Variants in IL1RL1 observed in about 807,000 individuals in gnomAD.
The protein encoded by IL1RL1 is interleukin 1 receptor like 1.
IL1RL1 carries 32 observed loss-of-function variants against 50.9 expected under a neutral mutation model. The ratio of observed to expected loss-of-function variants is 0.63; its 90% CI spans 0.47 to 0.84. IL1RL1 has a LOEUF of 0.84. Ranked by LOEUF, IL1RL1 falls within the 40% of genes least tolerant of loss-of-function variation. The probability of loss-of-function intolerance (pLI) is 0.00; values close to 1 mark genes in which losing one functional copy is unlikely to be tolerated. For synonymous variants in IL1RL1, 275 were observed against 236.0 expected (o/e 1.17, Z -1.51); for missense variants, 773 against 662.9 (o/e 1.17, Z -1.82).
In IL1RL1 at chr2:102,330,897, G is replaced by A. The variant is rs565494797; in HGVS notation, c.-149-7219G>A. Among the ~76,000 whole-genome samples the A allele has an allele frequency of 2.6e-5, 4 of 152,214 alleles. No homozygotes were observed. The South Asian group carries it at 8.3e-4, about 32-fold the overall frequency. ...TCCTACTTCAGGTTTAAGATGTTCT[G>A]TTATGTAATACAATCCATTTTTATT... On this transcript the variant is annotated intron_variant, in intron 1 of 10. Transcript: ENST00000233954.
intron 1 of IL1RL1, among the ~76,000 whole-genome samples, chr2:102,326,237 A>G (rs1676993456): frequency 6.6e-6 from 1 of 152,230 alleles, no homozygotes; most frequent in Admixed American, 6.5e-5. Flanking sequence ...CCAGAATTTC[A>G]TATCTAGCCA....
At chr2:102,327,092 A>G (rs1456485670) in intron 1 of IL1RL1, among the ~76,000 whole-genome samples, 1 of 152,216 alleles carries the variant, frequency 6.6e-6, no homozygotes, top group African/African-American at 2.4e-5. Flanking sequence ...AAAATTGACC[A>G]CATAGTTGGA....
chr2:102,343,075 A>G lies in IL1RL1; in HGVS notation c.722A>G (p.Lys241Arg), dbSNP rs760450823. The G allele has an allele frequency of 6.2e-7, 1 of 1,614,124 alleles. No individual in the cohort carries two copies. The highest frequency in any genetic ancestry group is 2.2e-5 in the East Asian group (1 of 44,880). Reference sequence around the variant, plus strand: ...CTAACTTGCTCTGCTTGTTTTGGAAAAGGCACTCAGTTCTTGGCTGCCGTC... The same window carrying G: ...CTAACTTGCTCTGCTTGTTTTGGAAGAGGCACTCAGTTCTTGGCTGCCGTC... ...ANLTCSACFG[K>R]GTQFLAAVLW... The change falls in exon 7 of 11, where the codon AAA becomes AGA. Residue 241 changes from lysine to arginine, a missense_variant. Coordinates refer to ENST00000233954, the MANE Select transcript of IL1RL1 (RefSeq NM_016232.5).
At chr2:102,313,002 T>A (rs1676563079) in intron 1 of IL1RL1, 3 of 152,100 alleles carry the variant, frequency 2.0e-5, no homozygotes. Context: ...TGTTCCTGAA[T>A]ACCATTGTGG....
At chr2:102,352,093 G>A (rs547286639), downstream of IL1RL1, 5 of 632,410 alleles carry the variant, frequency 7.9e-6, no homozygotes, top group East Asian at 5.8e-5. Context: ...GATGCAAAAT[G>A]GCCAGAAATT....
At chr2:102,348,374 C>T (rs1410411960) in intron 9 of IL1RL1, among the ~76,000 whole-genome samples, 3 of 152,102 alleles carry the variant, frequency 2.0e-5, no homozygotes, top group African/African-American at 7.2e-5. Flanking sequence ...GCCCCAAGCC[C>T]AGAAAGGTGT....
intron 8 of IL1RL1, chr2:102,346,026 T>G (rs1325594880): frequency 1.0e-6 from 1 of 982,534 alleles, no homozygotes; most frequent in African/African-American, 1.7e-5. Flanking sequence ...ATTTCACCTG[T>G]TTTTCTTTAA....
At chr2:102,316,925 C>T (rs1439037489) in intron 1 of IL1RL1, among the ~76,000 whole-genome samples, 1 of 152,164 alleles carries the variant, frequency 6.6e-6, no homozygotes, top group Non-Finnish European at 1.5e-5. Flanking sequence ...AGATTCAAAG[C>T]ATTCTGAAAT....
chr2:102,327,813 T>A (rs1407522091), intron 1 of IL1RL1, among the ~76,000 whole-genome samples: 1 of 152,176 alleles, frequency 6.6e-6, no homozygotes, highest in Non-Finnish European at 1.5e-5. Flanking sequence ...AGGAAGAACT[T>A]GAATCTCTGA....
chr2:102,338,581 G>A (rs1439895966), intron 2 of IL1RL1, among the ~76,000 whole-genome samples: 1 of 152,154 alleles, frequency 6.6e-6, no homozygotes, highest in Non-Finnish European at 1.5e-5. Context: ...GAAGTGTTGT[G>A]GATGTTTATT....
intron 5 of IL1RL1, 42 bp from the exon 6 acceptor site, chr2:102,342,181 T>G (rs779260705): frequency 2.9e-6 from 4 of 1,359,016 alleles, no homozygotes; most frequent in Non-Finnish European, 4.2e-6. Context: ...TTGACTAGCA[T>G]TCAATGCTCT....
intron 6 of IL1RL1, 106 bp downstream of exon 6, chr2:102,342,400 C>G: frequency 1.3e-6 from 1 of 743,734 alleles, no homozygotes; most frequent in South Asian, 1.6e-5. Flanking sequence ...GCATAAGGAA[C>G]CTTGAGGAGT....
intron 2 of IL1RL1, 78 bp from the exon 3 acceptor site, chr2:102,338,759 A>G: frequency 1.8e-6 from 2 of 1,126,392 alleles, no homozygotes; most frequent in Non-Finnish European, 2.6e-6. Context: ...TAATCCTAGA[A>G]GAAAATATTG....
intron 4 of IL1RL1, 121 bp from the exon 5 acceptor site, chr2:102,340,545 A>C: frequency 1.0e-6 from 1 of 988,852 alleles, no homozygotes; most frequent in African/African-American, 1.7e-5. Flanking sequence ...CCTAGAAGGC[A>C]GAGGTTACAG....
At chr2:102,339,118 C>G (rs1009343494) in intron 3 of IL1RL1, 71 bp downstream of exon 3, 11 of 1,069,222 alleles carry the variant, frequency 1.0e-5, no homozygotes, top group Middle Eastern at 2.1e-4. Flanking sequence ...GCCTGAGCTG[C>G]CCTTGCTTTC....
At chr2:102,327,214 T>A (rs1677034775) in intron 1 of IL1RL1, among the ~76,000 whole-genome samples, 1 of 151,732 alleles carries the variant, frequency 6.6e-6, no homozygotes, top group South Asian at 2.1e-4. Context: ...TCAAAACCGC[T>A]CAACTACATG....
chr2:102,312,787 G>C (rs1049603597), intron 1 of IL1RL1: 1 of 152,062 alleles, frequency 6.6e-6, no homozygotes, highest in Non-Finnish European at 1.5e-5. Context: ...TCCTCTGCTT[G>C]GTGGCTCCAT....
rs769490744 is a variant in IL1RL1 at position 102,351,757 on chromosome 2, C to T, written c.1507C>T (p.Leu503Phe). ...GGCGCTTCAGGACTCCCTCCAGCATCTTATGAAAGTACAGGGGACCATCAA... is the reference window on the plus strand; with the variant it reads ...GGCGCTTCAGGACTCCCTCCAGCATTTTATGAAAGTACAGGGGACCATCAA... ...AEALQDSLQHLMKVQGTIKWR... is the reference protein window; with the variant it reads ...AEALQDSLQHFMKVQGTIKWR... Residue 503 changes from leucine to phenylalanine, a missense_variant, in exon 11 of 11, where the codon CTT becomes TTT. Coordinates refer to ENST00000233954, the MANE Select transcript of IL1RL1 (RefSeq NM_016232.5). The T allele has an allele frequency of 2.5e-6, 4 of 1,614,090 alleles. No individual in the cohort carries two copies. Among genetic ancestry groups the T allele is most frequent in the African/African-American group, 2.7e-5 (2 of 74,998 alleles).
intron 1 of IL1RL1, among the ~76,000 whole-genome samples, chr2:102,335,951 A>C (rs1677307621): frequency 6.6e-6 from 1 of 152,044 alleles, no homozygotes; most frequent in South Asian, 2.1e-4. Context: ...AATTCCTCTA[A>C]TTTACGGCGA....
Sources: allele counts gnomAD v4.1 joint callset (sites outside exome capture counted in the v4.1 genomes callset), GRCh38; gene constraint gnomAD v4.1.1; transcripts MANE v1.5; gene names NCBI Gene and HGNC (gene_info 2026-07-23, HGNC 2026-07-21).